Variants in SLC25A27 observed in about 807,000 individuals in gnomAD.
SLC25A27 encodes the protein mitochondrial uncoupling protein 4.
SLC25A27 carries 35 observed loss-of-function variants against 49.1 expected under a neutral mutation model. The observed-to-expected ratio is 0.71, with a 90% CI of 0.54 to 0.95. The LOEUF (loss-of-function observed/expected upper bound fraction) is 0.95, where lower values mean the gene tolerates loss of function less well. Ranked by LOEUF, SLC25A27 falls within the 40% of genes least tolerant of loss-of-function variation. SLC25A27 has a pLI of 0.00. For synonymous variants in SLC25A27, 144 were observed against 136.9 expected (o/e 1.05, Z -0.36); for missense variants, 339 against 397.1 (o/e 0.85, Z 1.24).
chr6:46,676,331 CT>C (rs1177531781), intron 8 of SLC25A27, 51 bp from the exon 9 acceptor site: 1 of 1,531,966 alleles, frequency 6.5e-7, no homozygotes, highest in Non-Finnish European at 9.0e-7. Flanking sequence ...CATATGTAGA[CT>C]ATTTATAATT....
In SLC25A27 at chr6:46,670,030, G is replaced by GT. The variant is rs1396051075; in HGVS notation, c.705-104dup. On this transcript the variant is annotated intron_variant, in intron 6 of 8. Coordinates refer to ENST00000371347, the MANE Select transcript of SLC25A27 (RefSeq NM_004277.5). ...AAGCAAAAAGAGCATTATGAAGCTT[G>GT]TAAGAATATATTTAGTATTATATTC... 5 of 609,740 alleles carry GT rather than the reference G, an allele frequency of 8.2e-6. No homozygotes were observed. The Admixed American group carries it at 1.9e-4, about 23-fold the overall frequency. The allele number at this position is 609,740 out of a possible 1,614,324, so 37.8% of individuals were successfully genotyped here. A position where few individuals can be genotyped will look rare whatever the true frequency, so the allele number is the denominator to read the frequency against.
At chr6:46,671,419 G>A (rs1025602936) in intron 8 of SLC25A27, among the ~76,000 whole-genome samples, 191 bp downstream of exon 8, 2 of 151,876 alleles carry the variant, frequency 1.3e-5, no homozygotes, top group South Asian at 2.1e-4. Context: ...TTCTGTGGTA[G>A]AGTAAGGTAA....
chr6:46,653,163 G>T lies in SLC25A27; in HGVS notation c.-30G>T, dbSNP rs201575429. ...CGCGGTGCAGCGCAGCGGCGAGAAGGAGTGCGTTATCGTCTTGCGCTACTG... is the reference window on the plus strand; with the variant it reads ...CGCGGTGCAGCGCAGCGGCGAGAAGTAGTGCGTTATCGTCTTGCGCTACTG... On this transcript the variant is annotated 5_prime_UTR_variant, in exon 1 of 9. Transcript: ENST00000371347. 3 of 1,589,350 alleles carry T rather than the reference G, an allele frequency of 1.9e-6. No individual in the cohort carries two copies. The highest frequency in any genetic ancestry group is 2.2e-5 in the East Asian group (1 of 44,590).
In SLC25A27 at chr6:46,666,959, T is replaced by C. The variant is rs1763345677; in HGVS notation, c.620-1750T>C. On this transcript the variant is annotated intron_variant, in intron 5 of 8. Coordinates refer to ENST00000371347, the MANE Select transcript of SLC25A27 (RefSeq NM_004277.5). Reference sequence around the variant, plus strand: ...TCTCAAACTCATACACTTTTCTCCATTCCTGGAGCCATTCTGTAGTCCAAG... The same window carrying C: ...TCTCAAACTCATACACTTTTCTCCACTCCTGGAGCCATTCTGTAGTCCAAG... Among the ~76,000 whole-genome samples the C allele has an allele frequency of 1.3e-5, 2 of 152,098 alleles. 1 individual carries two copies. Among genetic ancestry groups the C allele is most frequent in the South Asian group, 4.1e-4 (2 of 4,826 alleles).
intron 8 of SLC25A27, among the ~76,000 whole-genome samples, chr6:46,675,923 C>T (rs1455082031): frequency 6.6e-6 from 1 of 152,058 alleles, no homozygotes; most frequent in Non-Finnish European, 1.5e-5. Context: ...TTTCACCTTC[C>T]TCACTTTCAA....
rs1438702652 is a variant in SLC25A27 at position 46,653,279 on chromosome 6, G to T, written c.87G>T (p.Ala29=). Residue 29 remains alanine, a synonymous_variant, in exon 1 of 9, where the codon GCG becomes GCT. Coordinates refer to ENST00000371347, the MANE Select transcript of SLC25A27 (RefSeq NM_004277.5). Reference sequence around the variant, plus strand: ...GCAAATTCCTACTGTCCGGCTGCGCGGCTACCGTGGCCGAGCTAGGTACCC... The same window carrying T: ...GCAAATTCCTACTGTCCGGCTGCGCTGCTACCGTGGCCGAGCTAGGTACCC... The part of the protein sequence containing the change: ...RASKFLLSGC[A]ATVAELATFP... 2 of 1,612,610 alleles carry T rather than the reference G, an allele frequency of 1.2e-6. No homozygotes were observed. Among genetic ancestry groups the T allele is most frequent in the Non-Finnish European group, 1.7e-6 (2 of 1,179,530 alleles).
intron 4 of SLC25A27, 105 bp downstream of exon 4, chr6:46,662,603 C>A: frequency 1.6e-6 from 2 of 1,234,718 alleles, no homozygotes; most frequent in Non-Finnish European, 2.3e-6. Context: ...AAAGATATTA[C>A]TTCTGACTTT....
At chr6:46,662,574 T>C (rs750708047) in intron 4 of SLC25A27, 76 bp downstream of exon 4, 125 of 1,473,932 alleles carry the variant, frequency 8.5e-5, no homozygotes, top group Non-Finnish European at 1.1e-4. Flanking sequence ...CCTAATAGAA[T>C]TATCATCCAG....
intron 8 of SLC25A27, among the ~76,000 whole-genome samples, chr6:46,672,749 AG>A (rs972948543): frequency 1.3e-5 from 2 of 152,216 alleles, no homozygotes; most frequent in African/African-American, 2.4e-5. Context: ...AGGACATCCA[AG>A]CAGAGATGTC....
At chr6:46,663,865 G>T (rs192726254) in intron 4 of SLC25A27, among the ~76,000 whole-genome samples, 3 of 152,182 alleles carry the variant, frequency 2.0e-5, no homozygotes, top group Admixed American at 6.5e-5. Context: ...TGGTTTCTTC[G>T]AATGTAAATT....
At position 46,656,743 on chromosome 6, in the gene SLC25A27, G is replaced by GA. The variant is rs538567125; in HGVS notation, c.298+716dup. ...CAGAACACATATAGTCTCTTAAGAAGAAAAAAATTAACTACTGATTATTAT... is the reference window on the plus strand; with the variant it reads ...CAGAACACATATAGTCTCTTAAGAAGAAAAAAAATTAACTACTGATTATTAT... On this transcript the variant is annotated intron_variant, in intron 2 of 8. Coordinates refer to ENST00000371347, the MANE Select transcript of SLC25A27 (RefSeq NM_004277.5). Among the ~76,000 whole-genome samples, 27 of 152,118 alleles carry GA rather than the reference G, an allele frequency of 1.8e-4. No individual in the cohort carries two copies. The East Asian group carries it at 4.1e-3, about 23-fold the overall frequency.
chr6:46,676,334 T>G, intron 8 of SLC25A27, 49 bp from the exon 9 acceptor site: 1 of 1,560,840 alleles, frequency 6.4e-7, no homozygotes, highest in Non-Finnish European at 8.8e-7. Context: ...ATGTAGACTA[T>G]TTATAATTGC....
At chr6:46,654,980 C>T (rs1420511178) in intron 1 of SLC25A27, among the ~76,000 whole-genome samples, 1 of 152,102 alleles carries the variant, frequency 6.6e-6, no homozygotes, top group East Asian at 1.9e-4. Flanking sequence ...AGGACGTTTT[C>T]TGTATAAGGT....
Position 46,676,406 on chromosome 6 carries a change from GCTTA to G in SLC25A27, c.929_932del (p.Thr310MetfsTer7). On this transcript the variant is annotated frameshift_variant, in exon 9 of 9. Coordinates refer to ENST00000371347, the MANE Select transcript of SLC25A27 (RefSeq NM_004277.5). LOFTEE classifies it high-confidence loss of function. ...AGACCCCTTGGTCAATGGTGTTCTG[GCTTA>G]CTTATGAAAAAATCAGAGAGATGAG... is the stretch of plus-strand genomic sequence containing the variant. The G allele has an allele frequency of 6.2e-7, 1 of 1,613,748 alleles. No homozygotes were observed. Among genetic ancestry groups the G allele is most frequent in the Non-Finnish European group, 8.5e-7 (1 of 1,179,876 alleles).
chr6:46,673,863 CT>C (rs1319733606), intron 8 of SLC25A27, among the ~76,000 whole-genome samples: 1 of 152,076 alleles, frequency 6.6e-6, no homozygotes, highest in African/African-American at 2.4e-5. Context: ...GCATTGAAAG[CT>C]AGGATGTAAG....
rs1021573623 is a variant in SLC25A27 at position 46,656,007 on chromosome 6, G to A, written c.271G>A (p.Val91Met). 3.1e-6 allele frequency: 5 copies of A among 1,610,774 alleles called. No homozygotes were observed. In the African/African-American group the frequency reaches 4.0e-5, roughly 13 times the overall value. Residue 91 changes from valine to methionine, a missense_variant, in exon 2 of 9, where the codon GTG becomes ATG. Coordinates refer to ENST00000371347, the MANE Select transcript of SLC25A27 (RefSeq NM_004277.5). ...EEGFLKLWQGVTPAIYRHVVY... is the reference protein window; with the variant it reads ...EEGFLKLWQGMTPAIYRHVVY... ...AGGCTTTCTAAAGCTTTGGCAAGGA[G>A]TGACACCCGCCATTTACAGACACGT...
intron 8 of SLC25A27, among the ~76,000 whole-genome samples, chr6:46,671,449 C>T (rs747895940): frequency 4.6e-5 from 7 of 151,718 alleles, no homozygotes; most frequent in East Asian, 1.9e-4. Flanking sequence ...CATCCATTGA[C>T]GAATAAGTTG....
chr6:46,668,721 A>T lies in SLC25A27; in HGVS notation c.632A>T (p.Tyr211Phe), dbSNP rs201797981. Reference protein sequence around the residue: ...ALVNMGDLTTYDTVKHYLVLN... With the variant: ...ALVNMGDLTTFDTVKHYLVLN... The stretch of plus-strand genomic sequence containing the variant: ...TTTCCATTGCCAGATTTAACCACTT[A>T]TGATACAGTGAAACACTACTTGGTA... The change falls in exon 6 of 9, where the codon TAT becomes TTT. Residue 211 changes from tyrosine (Y) to phenylalanine (F), a missense_variant. By Grantham distance (22) the Tyr-to-Phe change is conservative. Coordinates refer to ENST00000371347, the MANE Select transcript of SLC25A27 (RefSeq NM_004277.5). 28 of 1,599,486 alleles carry T rather than the reference A, an allele frequency of 1.8e-5. No individual in the cohort carries two copies. Among genetic ancestry groups the T allele is most frequent in the Non-Finnish European group, 2.4e-5 (28 of 1,167,534 alleles).
chr6:46,656,335 C>T (rs2150631926), intron 2 of SLC25A27, among the ~76,000 whole-genome samples: 1 of 151,274 alleles, frequency 6.6e-6, no homozygotes, highest in Admixed American at 6.6e-5. Context: ...TGCACGCCAC[C>T]ACACCCAGCT....
Sources: allele counts gnomAD v4.1 joint callset (sites outside exome capture counted in the v4.1 genomes callset), GRCh38; gene constraint gnomAD v4.1.1; transcripts MANE v1.5; gene names NCBI Gene and HGNC (gene_info 2026-07-23, HGNC 2026-07-21).